ASB12: variants seen among roughly 807,000 people sequenced by gnomAD.
ASB12 encodes ankyrin repeat and SOCS box containing 12.
In ASB12, 17 loss-of-function variants were observed where a neutral mutation model predicts 13.7. That is an observed-to-expected ratio of 1.24 (90% CI 0.85 to 1.86). The LOEUF (loss-of-function observed/expected upper bound fraction) is 1.86, where lower values mean the gene tolerates loss of function less well. Ranked by LOEUF, ASB12 falls within the 40% of genes most tolerant of loss-of-function variation. The pLI is 0.00. For missense variants in ASB12, 329 were observed against 250.5 expected (o/e 1.31, Z -2.11); for synonymous variants, 107 against 99.8 (o/e 1.07, Z -0.43).
chrX:64,224,343 G>T lies in ASB12; in HGVS notation c.949C>A (p.Gln317Lys), dbSNP rs755735038. 8.3e-7 allele frequency: 1 copy of T among 1,208,942 alleles called. No individual in the cohort carries two copies. Among genetic ancestry groups the T allele is most frequent in the African/African-American group, 1.8e-5 (1 of 57,002 alleles). The change falls in exon 3 of 3, where the codon CAA becomes AAA. Residue 317 changes from glutamine (Q) to lysine (K), a missense_variant. Coordinates refer to ENST00000362002, the MANE Select transcript of ASB12 (RefSeq NM_130388.4). The stretch of plus-strand genomic sequence containing the variant: ...CTGGGGAGACTGCAAGATTACAGTT[G>T]GTGTTTTAGGTAGCTAATCAACATG... ...PPMLISYLKH[Q>K]L
Position 64,225,529 on chromosome X carries a change from T to C in ASB12, c.122A>G (p.Gln41Arg), listed in dbSNP as rs1350882382. Residue 41 changes from glutamine to arginine, a missense_variant, in exon 2 of 3, where the codon CAA becomes CGA. Coordinates refer to ENST00000362002, the MANE Select transcript of ASB12 (RefSeq NM_130388.4). The stretch of plus-strand genomic sequence containing the variant: ...ATAGGAGTCGTTGTCATACACTGCT[T>C]GATTGAGAGCCTGCTTCTCCTCTGT... ...TDTEEKQALN[Q>R]AVYDNDSYTL... 1 of 1,208,123 alleles carries C rather than the reference T, an allele frequency of 8.3e-7. No homozygotes were observed. The highest frequency in any genetic ancestry group is 3.0e-5 in the East Asian group (1 of 33,710).
At chrX:64,229,899 A>T (rs368907007) in intron 1 of ASB12, among the ~76,000 whole-genome samples, 60 of 111,482 alleles carry the variant, frequency 5.4e-4, no homozygotes, top group African/African-American at 1.9e-3. Flanking sequence ...GTTAGGGGGA[A>T]AAAAGGTAAT....
chrX:64,228,275 G>A (rs1930986378), intron 1 of ASB12, among the ~76,000 whole-genome samples: 1 of 112,352 alleles, frequency 8.9e-6, no homozygotes, highest in Admixed American at 9.4e-5. Context: ...TATACACCAT[G>A]TTTCTTTCTG....
chrX:64,227,210 C>T (rs1041686205), intron 1 of ASB12, among the ~76,000 whole-genome samples: 2 of 111,554 alleles, frequency 1.8e-5, no homozygotes, highest in Non-Finnish European at 3.8e-5. Context: ...TACTCTGCAC[C>T]TTTAGCCTCC....
At chrX:64,230,181 C>T (rs998428035) in intron 1 of ASB12, among the ~76,000 whole-genome samples, 7 of 111,449 alleles carry the variant, frequency 6.3e-5, no homozygotes, top group Admixed American at 4.7e-4. Flanking sequence ...CTCCACACTT[C>T]CTGTAGTGTA....
intron 1 of ASB12, among the ~76,000 whole-genome samples, chrX:64,229,513 A>T (rs1026543045): frequency 8.9e-6 from 1 of 112,323 alleles, no homozygotes; most frequent in African/African-American, 3.2e-5. Flanking sequence ...CTAAAGATGT[A>T]GGAGTTTTAA....
At chrX:64,228,724 C>A (rs1344093625) in intron 1 of ASB12, among the ~76,000 whole-genome samples, 1 of 111,282 alleles carries the variant, frequency 9.0e-6, no homozygotes, top group Non-Finnish European at 1.9e-5. Context: ...TGCAAGGGAC[C>A]TTGTAGATCA....
intron 1 of ASB12, among the ~76,000 whole-genome samples, chrX:64,227,433 T>A (rs1930969816): frequency 8.9e-6 from 1 of 111,789 alleles, no homozygotes; most frequent in East Asian, 2.8e-4. Context: ...AAAGGTCATC[T>A]TTGTGGTTAA....
Position 64,224,391 on chromosome X carries a change from T to C in ASB12, c.901A>G (p.Ile301Val), listed in dbSNP as rs149424932. Reference sequence around the variant, plus strand: ...ATGGGAGGAATATCCAGCTGGTTGATGGCTTGTGGCTGGCCAGCCTGGCAC... The same window carrying C: ...ATGGGAGGAATATCCAGCTGGTTGACGGCTTGTGGCTGGCCAGCCTGGCAC... ...ALCQAGQPQA[I>V]NQLDIPPMLI... Residue 301 changes from isoleucine to valine, a missense_variant, in exon 3 of 3, where the codon ATC becomes GTC. By Grantham distance (29) the Ile-to-Val change is conservative (BLOSUM62 3). Coordinates refer to ENST00000362002, the MANE Select transcript of ASB12 (RefSeq NM_130388.4). 1.2e-3 allele frequency: 1,395 copies of C among 1,208,021 alleles called. 2 individuals carry two copies. Among genetic ancestry groups the C allele is most frequent in the Non-Finnish European group, 1.4e-3 (1,285 of 893,824 alleles).
At chrX:64,224,524 C>T in intron 2 of ASB12, 56 bp from the exon 3 acceptor site, 1 of 1,129,475 alleles carries the variant, frequency 8.9e-7, no homozygotes, top group African/African-American at 1.8e-5. Flanking sequence ...TTCTCCCACA[C>T]AAGCCTACAT....
chrX:64,227,975 C>G (rs977523278), intron 1 of ASB12, among the ~76,000 whole-genome samples: 1 of 112,655 alleles, frequency 8.9e-6, no homozygotes, highest in African/African-American at 3.2e-5. Flanking sequence ...CCCCCACTGC[C>G]TTTTGCCTCA....
chrX:64,226,381 G>A (rs1254086519), intron 1 of ASB12, among the ~76,000 whole-genome samples: 1 of 112,366 alleles, frequency 8.9e-6, no homozygotes, highest in African/African-American at 3.2e-5. Context: ...CAGGAAACTG[G>A]TATTGAATGA....
At position 64,225,101 on chromosome X, in the gene ASB12, G is replaced by T. The variant is rs1014911186; in HGVS notation, c.550C>A (p.Pro184Thr). ...WASNIASCSGPLYLAAVYGHL... is the reference protein window; with the variant it reads ...WASNIASCSGTLYLAAVYGHL... ...CCGTAGACTGCGGCCAAATAGAGGG[G>T]GCCAGAACATGAAGCTATGTTTGAT... The change falls in exon 2 of 3, where the codon CCC becomes ACC. Residue 184 changes from proline (P) to threonine (T), a missense_variant. Physicochemically the swap from Pro to Thr is conservative, Grantham distance 38. Transcript: ENST00000362002. The T allele has an allele frequency of 8.3e-7, 1 of 1,211,243 alleles. No individual in the cohort carries two copies. The highest frequency in any genetic ancestry group is 1.7e-5 in the African/African-American group (1 of 57,631).
At position 64,225,223 on chromosome X, in the gene ASB12, A is replaced by G. The variant is rs377111702; in HGVS notation, c.428T>C (p.Val143Ala). ...AGCACCATCACGGGCAGCTGTGAGC[A>G]CGGGAGAACAGTTGTTGTAGATGCT... ...GGSIYNNCSP[V>A]LTAARDGAVA... is the part of the protein sequence containing the mutation. The change falls in exon 2 of 3, where the codon GTG becomes GCG. Residue 143 changes from valine (V) to alanine (A), a missense_variant. Coordinates refer to ENST00000362002, the MANE Select transcript of ASB12 (RefSeq NM_130388.4). 2 of 1,211,596 alleles carry G rather than the reference A, an allele frequency of 1.7e-6. No individual in the cohort carries two copies. Among genetic ancestry groups the G allele is most frequent in the East Asian group, 3.0e-5 (1 of 33,817 alleles).
intron 1 of ASB12, among the ~76,000 whole-genome samples, chrX:64,230,004 T>C (rs1161456711): frequency 9.0e-6 from 1 of 111,537 alleles, no homozygotes; most frequent in Non-Finnish European, 1.9e-5. Flanking sequence ...AGGAAAGTGG[T>C]TGGTTTCCGT....
rs148346736 is a variant in ASB12 at position 64,225,332 on chromosome X, G to A, written c.319C>T (p.Gln107Ter). 10 of 1,207,118 alleles carry A rather than the reference G, an allele frequency of 8.3e-6. No individual in the cohort carries two copies. Among genetic ancestry groups the A allele is most frequent in the Admixed American group, 2.2e-5 (1 of 45,534 alleles). Reference sequence around the variant, plus strand: ...CTGACAGCAGTGAAAAGTGGCGTCTGTGCCTTGACATCCAAGCTGTCAACA... The same window carrying A: ...CTGACAGCAGTGAAAAGTGGCGTCTATGCCTTGACATCCAAGCTGTCAACA... ...ADVDSLDVKA[Q>*]TPLFTAVSHG... Residue 107 changes from glutamine (Q) to a stop codon, truncating the protein, a stop_gained, in exon 2 of 3, where the codon CAG (glutamine) becomes TAG (stop). Transcript: ENST00000362002. LOFTEE classifies it high-confidence loss of function.
At chrX:64,225,995 C>T (rs939271346) in intron 1 of ASB12, among the ~76,000 whole-genome samples, 2 of 112,684 alleles carry the variant, frequency 1.8e-5, no homozygotes, top group African/African-American at 3.2e-5. Flanking sequence ...AACTTTCACA[C>T]CACATTTCCG....
In ASB12 at chrX:64,230,465, G is replaced by T. The variant is rs1349749753; in HGVS notation, c.-27C>A. Reference sequence around the variant, plus strand: ...GGTCCTAGGCTCCAGGTACTCACCGGGCTTCAGCCTGAGGCCATGCTGCCC... The same window carrying T: ...GGTCCTAGGCTCCAGGTACTCACCGTGCTTCAGCCTGAGGCCATGCTGCCC... On this transcript the variant is annotated splice_region_variant and 5_prime_UTR_variant, in exon 1 of 3. Coordinates refer to ENST00000362002, the MANE Select transcript of ASB12 (RefSeq NM_130388.4). 1 of 111,442 alleles carries T rather than the reference G, an allele frequency of 9.0e-6. No individual in the cohort carries two copies. The highest frequency in any genetic ancestry group is 3.3e-5 in the African/African-American group (1 of 30,617). The allele number at this position is 111,442 out of a possible 1,213,427, so 9.2% of individuals were successfully genotyped here.
At chrX:64,226,839 T>C (rs1689257886) in intron 1 of ASB12, 4 of 550,920 alleles carry the variant, frequency 7.3e-6, no homozygotes, top group Non-Finnish European at 8.8e-6. Flanking sequence ...GGACCTCATA[T>C]CTTCTTTTAT....
Sources: gnomAD v4.1 joint callset for allele counts (sites outside exome capture counted in the v4.1 genomes callset) on GRCh38, gnomAD v4.1.1 for gene constraint, MANE v1.5 for transcripts, NCBI Gene and HGNC (gene_info 2026-07-23, HGNC 2026-07-21) for gene names.